FAM83D: variants seen among roughly 807,000 people sequenced by gnomAD.
FAM83D encodes scaffolding CK1 anchoring protein D, also known as protein FAM83D.
A neutral mutation model predicts 25.4 loss-of-function variants in FAM83D; 26 were observed. The ratio of observed to expected loss-of-function variants is 1.02; its 90% CI spans 0.75 to 1.42. The LOEUF is 1.42. Among genes scored for constraint, FAM83D ranks in the 40% most tolerant of loss-of-function variants. The pLI, the probability that FAM83D is intolerant of heterozygous loss-of-function variation, is 0.00. For synonymous variants in FAM83D, 310 were observed against 318.5 expected (o/e 0.97, Z 0.28); for missense variants, 740 against 758.1 (o/e 0.98, Z 0.28).
At chr20:38,951,275 C>T (rs1271760815) in intron 3 of FAM83D, among the ~76,000 whole-genome samples, 1 of 141,214 alleles carries the variant, frequency 7.1e-6, no homozygotes, top group Non-Finnish European at 1.6e-5. Context: ...CGTCTCAAAA[C>T]AAACAAACAA....
At chr20:38,928,533 A>C (rs1289724220) in intron 1 of FAM83D, among the ~76,000 whole-genome samples, 4 of 152,228 alleles carry the variant, frequency 2.6e-5, no homozygotes, top group African/African-American at 9.7e-5. Flanking sequence ...ATGCATCCCC[A>C]AAGCTCATGT....
At chr20:38,946,149 G>T (rs2085726962) in intron 2 of FAM83D, among the ~76,000 whole-genome samples, 2 of 142,102 alleles carry the variant, frequency 1.4e-5, no homozygotes. Flanking sequence ...GATGGAGGTT[G>T]CAGTGAGCCG....
At chr20:38,948,724 C>T (rs1204046554) in intron 3 of FAM83D, among the ~76,000 whole-genome samples, 2 of 152,174 alleles carry the variant, frequency 1.3e-5, no homozygotes, top group Non-Finnish European at 2.9e-5. Flanking sequence ...AAAAAGAAAA[C>T]CCCATTTTTG....
intron 1 of FAM83D, among the ~76,000 whole-genome samples, chr20:38,932,796 A>G (rs1447887195): frequency 1.3e-5 from 2 of 152,200 alleles, no homozygotes; most frequent in Non-Finnish European, 2.9e-5. Flanking sequence ...CGAGGTTCCA[A>G]TTCCTCAGAG....
intron 2 of FAM83D, among the ~76,000 whole-genome samples, chr20:38,945,869 G>A (rs61568441): frequency 0.032 from 4,826 of 151,330 alleles, 226 homozygotes; most frequent in African/African-American, 0.11. Flanking sequence ...TAGCTGGAAC[G>A]ACAGACATTT....
Position 38,952,192 on chromosome 20 carries a change from C to T in FAM83D, c.1430C>T (p.Ser477Phe). 1 of 1,614,188 alleles carries T rather than the reference C, an allele frequency of 6.2e-7. No homozygotes were observed. Among genetic ancestry groups the T allele is most frequent in the South Asian group, 1.1e-5 (1 of 91,076 alleles). ...GTATCGAGATCTTCCAGTTTGAAGT[C>T]TTCCTCCTCTGTGTCTTCCCAAGGC... ...MSVSRSSSLK[S>F]SSSVSSQGSV... is the part of the protein sequence containing the mutation. Residue 477 changes from serine (S) to phenylalanine (F), a missense_variant, in exon 4 of 4, where the codon TCT (serine) becomes TTT (phenylalanine). Ser to Phe is a radical substitution (Grantham distance 155, BLOSUM62 -2). Coordinates refer to ENST00000619850, the MANE Select transcript of FAM83D (RefSeq NM_030919.3).
chr20:38,927,954 T>C (rs910598018), intron 1 of FAM83D, among the ~76,000 whole-genome samples: 1 of 152,248 alleles, frequency 6.6e-6, no homozygotes, highest in African/African-American at 2.4e-5. Context: ...GTTTTGGTCC[T>C]ACTGTCTGAC....
At chr20:38,938,456 C>T (rs1036963052) in intron 1 of FAM83D, among the ~76,000 whole-genome samples, 8 of 152,196 alleles carry the variant, frequency 5.3e-5, no homozygotes, top group Admixed American at 5.2e-4. Context: ...CACCTGCCTG[C>T]CTCGATTGGG....
chr20:38,952,276 C>T lies in FAM83D; in HGVS notation c.1514C>T (p.Pro505Leu). Residue 505 changes from proline (P) to leucine (L), a missense_variant, in exon 4 of 4, where the codon CCT (proline) becomes CTT (leucine). Transcript: ENST00000619850. ...ASIRTTDFHN[P>L]GYPKYLGTPH... ...ATCAGAACCACTGACTTCCACAATC[C>T]TGGCTATCCCAAGTACCTGGGCACC... 6.2e-7 allele frequency: 1 copy of T among 1,614,156 alleles called. No individual in the cohort carries two copies. The highest frequency in any genetic ancestry group is 8.5e-7 in the Non-Finnish European group (1 of 1,180,042).
In FAM83D at chr20:38,952,123, G is replaced by C; in HGVS notation, c.1361G>C (p.Arg454Pro). Residue 454 changes from arginine (R) to proline (P), a missense_variant, in exon 4 of 4, where the codon CGA becomes CCA. This residue lies in a region of FAM83D where 375 missense variants were observed against 403.2 expected (regional missense o/e 0.93). Coordinates refer to ENST00000619850, the MANE Select transcript of FAM83D (RefSeq NM_030919.3). ...ATGGATGAGAACATTCTCTTTCCTC[G>C]AGGAACTCAATCTACAGAAGGGTCA... ...TDMDENILFP[R>P]GTQSTEGSPV... is the part of the protein sequence containing the mutation. 1 of 1,614,158 alleles carries C rather than the reference G, an allele frequency of 6.2e-7. No individual in the cohort carries two copies.
rs759101054 is a variant in FAM83D at position 38,951,928 on chromosome 20, C to G, written c.1166C>G (p.Ala389Gly). 4.3e-6 allele frequency: 7 copies of G among 1,614,034 alleles called. No individual in the cohort carries two copies. Among genetic ancestry groups the G allele is most frequent in the Non-Finnish European group, 5.9e-6 (7 of 1,180,042 alleles). Residue 389 changes from alanine (A) to glycine (G), a missense_variant, in exon 4 of 4, where the codon GCT becomes GGT. By Grantham distance (60) the Ala-to-Gly change is moderately conservative. Coordinates refer to ENST00000619850, the MANE Select transcript of FAM83D (RefSeq NM_030919.3). ...CTCCAGAGCAGAAAGGCCATTGACG[C>G]TGCCACTCAAACAGAGCCAGGAGAG... ...DELQSRKAID[A>G]ATQTEPGEEM...
At position 38,926,854 on chromosome 20, in the gene FAM83D, C is replaced by A; in HGVS notation, c.412C>A (p.Arg138Ser). ...ATRVETHFQP[R>S]GAGEGGPYGC... Reference sequence around the variant, plus strand: ...GCGTGTCGAGACGCACTTCCAGCCCCGCGGCGCTGGCGAAGGTGGCCCCTA... The same window carrying A: ...GCGTGTCGAGACGCACTTCCAGCCCAGCGGCGCTGGCGAAGGTGGCCCCTA... Residue 138 changes from arginine to serine, a missense_variant, in exon 1 of 4, where the codon CGC (arginine) becomes AGC (serine). Transcript: ENST00000619850. 1 of 1,524,062 alleles carries A rather than the reference C, an allele frequency of 6.6e-7. No homozygotes were observed. The highest frequency in any genetic ancestry group is 8.8e-7 in the Non-Finnish European group (1 of 1,141,050). The allele number at this position is 1,524,062 out of a possible 1,614,324, so 94.4% of individuals were successfully genotyped here.
At chr20:38,933,457 G>T (rs1317318760) in intron 1 of FAM83D, among the ~76,000 whole-genome samples, 1 of 152,206 alleles carries the variant, frequency 6.6e-6, no homozygotes, top group Non-Finnish European at 1.5e-5. Context: ...ATTGCTAAAT[G>T]CCCTGTGGGG....
At position 38,926,712 on chromosome 20, in the gene FAM83D, C is replaced by G. The variant is rs958335069; in HGVS notation, c.270C>G (p.Phe90Leu). ...AAAAAAAEDS[F>L]GSSHDCSSGT... Reference sequence around the variant, plus strand: ...CGGCGGCGGCGGCCGAGGACTCGTTCGGCTCCTCGCACGACTGCTCTTCGG... The same window carrying G: ...CGGCGGCGGCGGCCGAGGACTCGTTGGGCTCCTCGCACGACTGCTCTTCGG... Residue 90 changes from phenylalanine to leucine, a missense_variant, in exon 1 of 4, where the codon TTC (phenylalanine) becomes TTG (leucine). By Grantham distance (22) the Phe-to-Leu change is conservative. Transcript: ENST00000619850. 2 of 1,520,742 alleles carry G rather than the reference C, an allele frequency of 1.3e-6. No individual in the cohort carries two copies. Among genetic ancestry groups the G allele is most frequent in the Non-Finnish European group, 1.8e-6 (2 of 1,141,092 alleles). 94.2% of individuals were successfully genotyped at this position (1,520,742 alleles called of 1,614,324 possible). A position where few individuals can be genotyped will look rare whatever the true frequency, so the allele number is the denominator to read the frequency against.
chr20:38,943,239 G>A (rs1307631766), intron 2 of FAM83D, among the ~76,000 whole-genome samples: 2 of 152,126 alleles, frequency 1.3e-5, no homozygotes, highest in Non-Finnish European at 2.9e-5. Flanking sequence ...TGTCCAGGCT[G>A]GTCTTGAACT....
chr20:38,934,849 A>T (rs2085672247), intron 1 of FAM83D, among the ~76,000 whole-genome samples: 1 of 152,206 alleles, frequency 6.6e-6, no homozygotes, highest in South Asian at 2.1e-4. Context: ...TGTAGTAGCC[A>T]TATGAGGCTA....
At chr20:38,939,781 ACAGC>A (rs2085693814) in intron 1 of FAM83D, among the ~76,000 whole-genome samples, 1 of 152,202 alleles carries the variant, frequency 6.6e-6, no homozygotes, top group African/African-American at 2.4e-5. Context: ...TGTGCAGCCC[ACAGC>A]GTGCTCTGAG....
chr20:38,940,655 A>G (rs1355893819), intron 1 of FAM83D, among the ~76,000 whole-genome samples: 2 of 152,018 alleles, frequency 1.3e-5, no homozygotes, highest in Admixed American at 6.6e-5. Flanking sequence ...AACACCCCCA[A>G]CTTCTGACTC....
Position 38,926,480 on chromosome 20 carries a change from C to T in FAM83D, c.38C>T (p.Ala13Val). ...TCCGAGGGCCTGGACGAGGTGCCCG[C>T]CGCCTGCCTGTCGCCGTGCGGGCCG... ...LLSEGLDEVP[A>V]ACLSPCGPPN... The change falls in exon 1 of 4, where the codon GCC becomes GTC. Residue 13 changes from alanine to valine, a missense_variant. Transcript: ENST00000619850. 2 of 1,596,846 alleles carry T rather than the reference C, an allele frequency of 1.3e-6. No individual in the cohort carries two copies. The highest frequency in any genetic ancestry group is 1.1e-5 in the South Asian group (1 of 90,870).
Sources: allele counts gnomAD v4.1 joint callset (sites outside exome capture counted in the v4.1 genomes callset), GRCh38; gene constraint gnomAD v4.1.1; regional missense constraint gnomAD v4.1.1; transcripts MANE v1.5; gene names NCBI Gene and HGNC (gene_info 2026-07-23, HGNC 2026-07-21).